NUBP1: variants seen among roughly 807,000 people sequenced by gnomAD.
The protein encoded by NUBP1 is NUBP iron-sulfur cluster assembly factor 1, cytosolic, also known as cytosolic Fe-S cluster assembly factor NUBP1.
Under a neutral mutation model 41.8 loss-of-function variants are expected in NUBP1, and 46 were observed. The observed-to-expected ratio is 1.10, with a 90% CI of 0.87 to 1.41. NUBP1 has a LOEUF of 1.41. NUBP1 is among the 40% of genes most tolerant of loss of function. The pLI is 0.00. For synonymous variants in NUBP1, 189 were observed against 154.6 expected, an observed-to-expected ratio of 1.22 and a Z score of -1.65; for missense variants, 494 against 414.0, an observed-to-expected ratio of 1.19 and a Z score of -1.68.
chr16:10,762,694 C>G (rs554570816), intron 9 of NUBP1, among the ~76,000 whole-genome samples: 1 of 152,098 alleles, frequency 6.6e-6, no homozygotes, highest in Non-Finnish European at 1.5e-5. Context: ...ACCCATGCCT[C>G]GGAACTTCCA....
chr16:10,749,120 G>GACACACACACACAGACAC lies in NUBP1; in HGVS notation c.258+1849_258+1850insCACACACAGACACACACA, dbSNP rs777149995. On this transcript the variant is annotated intron_variant, in intron 3 of 10. Coordinates refer to ENST00000283027, the MANE Select transcript of NUBP1 (RefSeq NM_002484.4). This position sits in a 1 kb window ranked among gnomAD's most constrained non-coding sequence, Gnocchi z 4.1. Reference sequence around the variant, plus strand: ...AAAAAAGGATATAGATAGATACACAGACACATACACACACACACACACACA... The same window carrying GACACACACACACAGACAC: ...AAAAAAGGATATAGATAGATACACAGACACACACACACAGACACACACATACACACACACACACACACA... Among the ~76,000 whole-genome samples, 16 of 92,340 alleles carry GACACACACACACAGACAC rather than the reference G, an allele frequency of 1.7e-4. No individual in the cohort carries two copies. Among genetic ancestry groups the GACACACACACACAGACAC allele is most frequent in the South Asian group, 1.1e-3 (3 of 2,648 alleles). 60.6% of individuals were successfully genotyped at this position (92,340 alleles called of 152,430 possible). A position where few individuals can be genotyped will look rare whatever the true frequency, so the allele number is the denominator to read the frequency against.
chr16:10,758,669 T>G (rs1900738597), intron 7 of NUBP1, among the ~76,000 whole-genome samples: 1 of 152,190 alleles, frequency 6.6e-6, no homozygotes, highest in African/African-American at 2.4e-5. Context: ...CCGTCAGCCT[T>G]GCCGTGTCCA....
Position 10,757,915 on chromosome 16 carries a change from TCGACTACCTCATTGTGGACA to T in NUBP1, c.496_515del (p.Asp166ProfsTer7). 1 of 1,610,836 alleles carries T rather than the reference TCGACTACCTCATTGTGGACA, an allele frequency of 6.2e-7. No homozygotes were observed. Among genetic ancestry groups the T allele is most frequent in the Non-Finnish European group, 8.5e-7 (1 of 1,178,908 alleles). On this transcript the variant is annotated frameshift_variant, in exon 7 of 11. Coordinates refer to ENST00000283027, the MANE Select transcript of NUBP1 (RefSeq NM_002484.4). LOFTEE classifies it high-confidence loss of function. The surrounding 1 kb of genome is among the most constrained non-coding windows in gnomAD (Gnocchi z 4.1). ...CTCCGAGATGTGGACTGGGGAGAGG[TCGACTACCTCATTGTGGACA>T]CCCCACCTGGGACGTCGGATGAACA...
intron 9 of NUBP1, among the ~76,000 whole-genome samples, chr16:10,764,098 C>T (rs2030464171): frequency 6.6e-6 from 1 of 151,964 alleles, no homozygotes; most frequent in African/African-American, 2.4e-5. Context: ...GGGAGTATCT[C>T]AGCCCACAGG....
chr16:10,763,102 G>T (rs979544074), intron 9 of NUBP1, among the ~76,000 whole-genome samples: 2 of 152,092 alleles, frequency 1.3e-5, no homozygotes, highest in Admixed American at 1.3e-4. Flanking sequence ...GTCACCTGGA[G>T]GAGGGTCCGT....
intron 9 of NUBP1, 38 bp downstream of exon 9, chr16:10,761,897 G>A (rs780554079): frequency 1.5e-5 from 23 of 1,524,858 alleles, no homozygotes; most frequent in Admixed American, 5.1e-5. Context: ...CTCACTCCTC[G>A]GTCAGCCCCA....
chr16:10,746,037 C>T (rs1453227195), intron 2 of NUBP1, among the ~76,000 whole-genome samples: 1 of 152,204 alleles, frequency 6.6e-6, no homozygotes, highest in African/African-American at 2.4e-5. Flanking sequence ...CTTGTGAGGG[C>T]AGTCATCCCA....
At position 10,765,212 on chromosome 16, in the gene NUBP1, C is replaced by T. The variant is rs1462568117; in HGVS notation, c.821-2737C>T. On this transcript the variant is annotated intron_variant, in intron 9 of 10. Transcript: ENST00000283027. The surrounding 1 kb of genome is among the most constrained non-coding windows in gnomAD (Gnocchi z 4.0). ...TTAATGAAGAGCTAGAAATCTATAT[C>T]CTTACCCAAAGTCTCCTGATACTAA... 1 of 151,738 alleles carries T rather than the reference C, an allele frequency of 6.6e-6. No individual in the cohort carries two copies. Among genetic ancestry groups the T allele is most frequent in the Non-Finnish European group, 1.5e-5 (1 of 68,172 alleles). The allele number at this position is 151,738 out of a possible 1,614,324, so 9.4% of individuals were successfully genotyped here.
intron 4 of NUBP1, among the ~76,000 whole-genome samples, chr16:10,753,168 G>A (rs898743530): frequency 5.9e-5 from 9 of 152,162 alleles, no homozygotes; most frequent in Non-Finnish European, 1.2e-4. Context: ...CAACAACTGT[G>A]AGTCTTGGCG....
chr16:10,756,554 A>G (rs1900569915), intron 5 of NUBP1, 136 bp from the exon 6 acceptor site: 1 of 521,046 alleles, frequency 1.9e-6, no homozygotes, highest in South Asian at 3.4e-5. Flanking sequence ...AAGAGTGAAT[A>G]TGCTCATAGG....
rs1900199440 is a variant in NUBP1, at chr16:10,749,140, C to CACACAG, written c.258+1869_258+1870insGACACA. Among the ~76,000 whole-genome samples the CACACAG allele has an allele frequency of 6.9e-6, 1 of 145,972 alleles. No individual in the cohort carries two copies. The highest frequency in any genetic ancestry group is 2.6e-5 in the African/African-American group (1 of 38,874). On this transcript the variant is annotated intron_variant, in intron 3 of 10. Coordinates refer to ENST00000283027, the MANE Select transcript of NUBP1 (RefSeq NM_002484.4). The surrounding 1 kb of genome is among the most constrained non-coding windows in gnomAD (Gnocchi z 4.1). ...ACACAGACACATACACACACACACA[C>CACACAG]ACACACACACACACACACACACACA...
intron 7 of NUBP1, chr16:10,760,829 T>C (rs1444519401): frequency 6.5e-6 from 1 of 153,844 alleles, no homozygotes; most frequent in African/African-American, 2.4e-5. Context: ...TTAGCACTAG[T>C]AGGTACTAAA....
At chr16:10,747,855 C>G (rs1900133483) in intron 3 of NUBP1, among the ~76,000 whole-genome samples, 1 of 152,214 alleles carries the variant, frequency 6.6e-6, no homozygotes, top group Non-Finnish European at 1.5e-5. Context: ...TAGCTTTTCT[C>G]TAAGCCAGGG....
intron 4 of NUBP1, among the ~76,000 whole-genome samples, chr16:10,754,811 A>G (rs1900479813): frequency 6.6e-6 from 1 of 151,758 alleles, no homozygotes; most frequent in Non-Finnish European, 1.5e-5. Context: ...TTGGGAGGCC[A>G]AGGCGGGTGG....
At chr16:10,753,404 G>A (rs537553233) in intron 4 of NUBP1, among the ~76,000 whole-genome samples, 1 of 152,162 alleles carries the variant, frequency 6.6e-6, no homozygotes, top group Non-Finnish European at 1.5e-5. Context: ...GAGACTGCAG[G>A]GCGGGTGAGC....
At chr16:10,754,931 G>A (rs1024917928) in intron 4 of NUBP1, among the ~76,000 whole-genome samples, 7 of 152,114 alleles carry the variant, frequency 4.6e-5, no homozygotes, top group African/African-American at 1.4e-4. Context: ...TATAATCTCA[G>A]CTACCTGGGA....
intron 7 of NUBP1, among the ~76,000 whole-genome samples, chr16:10,760,617 G>A (rs920859978): frequency 4.6e-5 from 7 of 152,108 alleles, no homozygotes; most frequent in Non-Finnish European, 1.0e-4. Flanking sequence ...CATGCCTGTA[G>A]TCCCAGCTAC....
Position 10,764,527 on chromosome 16 carries a change from ATC to A in NUBP1, c.820+2671_820+2672del, listed in dbSNP as rs2030552995. ...TGCTGGAGTATTTGTCTATTGGAGC[ATC>A]TCATTCTGCTGGAGTATTTGTCTAT... is the stretch of plus-strand genomic sequence containing the variant. On this transcript the variant is annotated intron_variant, in intron 9 of 10. Transcript: ENST00000283027. Among the ~76,000 whole-genome samples, 3 of 142,888 alleles carry A rather than the reference ATC, an allele frequency of 2.1e-5. No individual in the cohort carries two copies. In the South Asian group the frequency reaches 6.6e-4, roughly 32 times the overall value. The allele number at this position is 142,888 out of a possible 152,430, so 93.7% of individuals were successfully genotyped here.
intron 9 of NUBP1, among the ~76,000 whole-genome samples, chr16:10,764,202 GTCTCAGCCCACTGGAGCA>G (rs907887629): frequency 1.2e-4 from 18 of 144,838 alleles, no homozygotes; most frequent in African/African-American, 2.1e-4. Flanking sequence ...CCGAAGGAGC[GTCTCAGCCCACTGGAGCA>G]TCTCAGCCCA....
Sources: allele counts gnomAD v4.1 joint callset (sites outside exome capture counted in the v4.1 genomes callset), GRCh38; gene constraint gnomAD v4.1.1; non-coding constraint Gnocchi (gnomAD v3.1); transcripts MANE v1.5; gene names NCBI Gene and HGNC (gene_info 2026-07-23, HGNC 2026-07-21).